SLC8A1: variants seen among roughly 807,000 people sequenced by gnomAD.
The protein encoded by SLC8A1 is sodium/calcium exchanger 1.
SLC8A1 carries 18 observed loss-of-function variants against 68.3 expected under a neutral mutation model. That is an observed-to-expected ratio of 0.26 (90% CI 0.18 to 0.39). SLC8A1 has a LOEUF of 0.39. SLC8A1 is among the 10% of genes least tolerant of loss of function. The probability of loss-of-function intolerance (pLI) is 1.00; values close to 1 mark genes in which losing one functional copy is unlikely to be tolerated. For synonymous variants in SLC8A1, 475 were observed against 415.5 expected (o/e 1.14, Z -1.74); for missense variants, 985 against 1,156.7 (o/e 0.85, Z 2.15).
At chr2:40,261,723 C>A (rs915437872) in intron 2 of SLC8A1, among the ~76,000 whole-genome samples, 8 of 78,584 alleles carry the variant, frequency 1.0e-4, no homozygotes, top group African/African-American at 4.2e-4. Flanking sequence ...GAAAAATGTG[C>A]GAGTGGGTAC....
intron 7 of SLC8A1, 134 bp downstream of exon 10, chr2:40,139,267 T>C (rs185316285): frequency 4.0e-6 from 4 of 992,812 alleles, no homozygotes; most frequent in East Asian, 2.6e-5. Flanking sequence ...GTAACATTTA[T>C]TTATACCTCA....
chr2:40,351,424 A>T (rs1316445060), intron 2 of SLC8A1, among the ~76,000 whole-genome samples: 1 of 151,762 alleles, frequency 6.6e-6, no homozygotes, highest in Non-Finnish European at 1.5e-5. Flanking sequence ...AAAAAGGGAG[A>T]CCATACCAAT....
At chr2:40,358,611 A>G (rs574583409) in intron 2 of SLC8A1, among the ~76,000 whole-genome samples, 1 of 152,184 alleles carries the variant, frequency 6.6e-6, no homozygotes, top group Non-Finnish European at 1.5e-5. Flanking sequence ...TGCATGCATA[A>G]CCATTTGGTT....
chr2:40,304,657 C>T (rs551867758), intron 2 of SLC8A1, among the ~76,000 whole-genome samples: 1 of 152,146 alleles, frequency 6.6e-6, no homozygotes, highest in Non-Finnish European at 1.5e-5. Context: ...TCTCGTCGTG[C>T]CCCTTTTCTT....
chr2:40,411,874 C>G (rs530272242), intron 2 of SLC8A1, among the ~76,000 whole-genome samples: 1 of 152,132 alleles, frequency 6.6e-6, no homozygotes, highest in East Asian at 1.9e-4. Context: ...TGTTTTTATA[C>G]AGACATCTAA....
chr2:40,327,510 CT>C (rs2075961415), intron 2 of SLC8A1, among the ~76,000 whole-genome samples: 1 of 152,130 alleles, frequency 6.6e-6, no homozygotes, highest in African/African-American at 2.4e-5. Flanking sequence ...CTGCAAATCA[CT>C]TTGCTAGACT....
chr2:40,118,611 T>TTTG (rs2036064388), intron 7 of SLC8A1: 2 of 98,542 alleles, frequency 2.0e-5, no homozygotes, highest in Non-Finnish European at 4.1e-5. Flanking sequence ...AAGGAAGTTT[T>TTTG]TTTTTTTTTT....
chr2:40,455,847 G>C (rs1702970165), upstream of SLC8A1, among the ~76,000 whole-genome samples: 1 of 152,124 alleles, frequency 6.6e-6, no homozygotes, highest in Admixed American at 6.5e-5. Flanking sequence ...TGTAAACCCT[G>C]CTACTGCACA....
intron 1 of SLC8A1, among the ~76,000 whole-genome samples, chr2:40,509,263 A>G (rs115295786): frequency 0.018 from 2,688 of 152,092 alleles, 75 homozygotes; most frequent in African/African-American, 0.06. Flanking sequence ...TCACCTTCCA[A>G]TGATTGAAGG....
At chr2:40,183,215 A>C (rs569296318) in intron 2 of SLC8A1, among the ~76,000 whole-genome samples, 27 of 152,162 alleles carry the variant, frequency 1.8e-4, no homozygotes, top group Non-Finnish European at 7.4e-5. Context: ...CAGGAACCAA[A>C]ACCTTTCAAT....
intron 2 of SLC8A1, among the ~76,000 whole-genome samples, chr2:40,362,114 C>T (rs1289884335): frequency 6.6e-6 from 1 of 151,410 alleles, no homozygotes; most frequent in African/African-American, 2.4e-5. Context: ...AGGCTGGTCT[C>T]GAACTCCTGG....
At chr2:40,331,503 G>T (rs537178011) in intron 2 of SLC8A1, among the ~76,000 whole-genome samples, 9 of 152,244 alleles carry the variant, frequency 5.9e-5, no homozygotes, top group Non-Finnish European at 1.2e-4. Context: ...AAAATTTTAT[G>T]TGAGTTAACT....
intron 2 of SLC8A1, among the ~76,000 whole-genome samples, chr2:40,412,775 G>A (rs1692557693): frequency 6.6e-6 from 1 of 152,146 alleles, no homozygotes. Flanking sequence ...AGCTCAACTA[G>A]GAAGACACCA....
At chr2:40,414,986 G>T (rs1344556006) in intron 2 of SLC8A1, among the ~76,000 whole-genome samples, 1 of 152,164 alleles carries the variant, frequency 6.6e-6, no homozygotes, top group Non-Finnish European at 1.5e-5. Context: ...AGATATCAAA[G>T]AGAATGAAAT....
In SLC8A1 at chr2:40,114,535, A is replaced by G. The variant is rs527669672; in HGVS notation, c.*718T>C. 4.6e-5 allele frequency: 7 copies of G among 152,866 alleles called. No homozygotes were observed. The East Asian group carries it at 1.3e-3, about 29-fold the overall frequency. 9.5% of individuals were successfully genotyped at this position (152,866 alleles called of 1,614,324 possible). On this transcript the variant is annotated 3_prime_UTR_variant, in exon 8 of 8. Transcript: ENST00000406785. Reference sequence around the variant, plus strand: ...GGATTTTGCACGTTCCTGGGAATCTAGGCACGTTTTCCTTGTACCTGTTAA... The same window carrying G: ...GGATTTTGCACGTTCCTGGGAATCTGGGCACGTTTTCCTTGTACCTGTTAA...
intron 2 of SLC8A1, among the ~76,000 whole-genome samples, chr2:40,397,070 G>A (rs1294566554): frequency 2.0e-5 from 3 of 152,162 alleles, no homozygotes; most frequent in Admixed American, 6.6e-5. Flanking sequence ...GAGTGGATCC[G>A]TGGATCAGTT....
intron 2 of SLC8A1, among the ~76,000 whole-genome samples, chr2:40,343,368 C>A (rs908206028): frequency 7.9e-5 from 12 of 152,132 alleles, no homozygotes; most frequent in Non-Finnish European, 1.6e-4. Flanking sequence ...TCTTTGGGAA[C>A]TTCTGGATTA....
chr2:40,505,799 T>G (rs1706332947), intron 1 of SLC8A1, among the ~76,000 whole-genome samples: 1 of 152,016 alleles, frequency 6.6e-6, no homozygotes, highest in Non-Finnish European at 1.5e-5. Flanking sequence ...ATTCTGTAAG[T>G]TAGGCATCCC....
chr2:40,302,496 C>T (rs1220932533), intron 2 of SLC8A1, among the ~76,000 whole-genome samples: 2 of 144,724 alleles, frequency 1.4e-5, no homozygotes, highest in Non-Finnish European at 3.0e-5. Context: ...ACATATATAT[C>T]ATATATGTGT....
Sources: allele counts gnomAD v4.1 joint callset (sites outside exome capture counted in the v4.1 genomes callset), GRCh38; gene constraint gnomAD v4.1.1; transcripts MANE v1.5; gene names NCBI Gene and HGNC (gene_info 2026-07-23, HGNC 2026-07-21).